The following SHOC2 variants were observed in gnomAD, a reference collection of about 807,000 sequenced individuals.
The protein encoded by SHOC2 is leucine-rich repeat protein SHOC-2.
A neutral mutation model predicts 50.2 loss-of-function variants in SHOC2; 4 were observed. The ratio of observed to expected loss-of-function variants is 0.08; its 90% confidence interval spans 0.04 to 0.18. The LOEUF (loss-of-function observed/expected upper bound fraction) is 0.18. Ranked by LOEUF, SHOC2 falls within the 10% of genes least tolerant of loss-of-function variation. SHOC2 has a pLI of 1.00. For synonymous variants in SHOC2, 218 were observed against 244.5 expected (o/e 0.89, Z 1.01); for missense variants, 388 against 669.6 (o/e 0.58, Z 4.64).
intron 3 of SHOC2, chr10:110,988,781 T>C: frequency 3.3e-6 from 1 of 305,352 alleles, no homozygotes; most frequent in East Asian, 1.4e-4. Context: ...TTGAGACCTT[T>C]CTATTATTCT....
chr10:110,960,976 C>T (rs143851490), intron 1 of SHOC2, among the ~76,000 whole-genome samples: 5 of 152,212 alleles, frequency 3.3e-5, no homozygotes, highest in East Asian at 1.9e-4. Flanking sequence ...CACGCCTGGC[C>T]AAATTTGTAG....
chr10:110,968,755 T>C (rs1847723421), intron 2 of SHOC2, among the ~76,000 whole-genome samples: 2 of 152,032 alleles, frequency 1.3e-5, no homozygotes, highest in Non-Finnish European at 2.9e-5. Flanking sequence ...CAGCTATGAT[T>C]GCGCCACCGG....
intron 8 of SHOC2, 132 bp downstream of exon 8, chr10:111,009,962 T>G (rs1402277473): frequency 1.6e-6 from 1 of 629,718 alleles, no homozygotes; most frequent in Non-Finnish European, 2.8e-6. Flanking sequence ...TTTTTTTTTT[T>G]AATAGAGCAC....
rs188742545 is a variant in SHOC2, at chr10:110,933,110, T to C, written c.-235+13453T>C. Among the ~76,000 whole-genome samples, 377 of 152,290 alleles carry C rather than the reference T, an allele frequency of 2.5e-3. 2 individuals are homozygous for C. Among genetic ancestry groups the C allele is most frequent in the Non-Finnish European group, 3.9e-3 (264 of 68,002 alleles). ...GATCTCTGATTATTATATAGATCTT[T>C]TATGCATTCAGATTTTCTTTGTAGG... is the stretch of plus-strand genomic sequence containing the variant. On this transcript the variant is annotated intron_variant, in intron 1 of 8. Transcript: ENST00000369452.
intron 1 of SHOC2, chr10:110,936,604 T>TA (rs1554854260): frequency 1.3e-6 from 1 of 761,842 alleles, no homozygotes; most frequent in South Asian, 1.7e-5. Context: ...TTTTTTTTTT[T>TA]AACAGTCTTT....
intron 1 of SHOC2, among the ~76,000 whole-genome samples, chr10:110,936,378 C>T (rs1391799475): frequency 6.6e-6 from 1 of 151,944 alleles, no homozygotes; most frequent in African/African-American, 2.4e-5. Flanking sequence ...GCTGGTATTA[C>T]AGGCGTGAGC....
chr10:110,975,463 A>G (rs928935712), intron 2 of SHOC2, among the ~76,000 whole-genome samples: 4 of 152,202 alleles, frequency 2.6e-5, no homozygotes, highest in Non-Finnish European at 4.4e-5. Context: ...TTTAATAGTC[A>G]TGTGTCCATA....
chr10:110,950,722 G>A (rs1480324966), intron 1 of SHOC2, among the ~76,000 whole-genome samples: 1 of 152,150 alleles, frequency 6.6e-6, no homozygotes, highest in Non-Finnish European at 1.5e-5. Flanking sequence ...TGTACAATCA[G>A]TTGATCTTTA....
At chr10:110,976,189 C>T (rs1474844278) in intron 2 of SHOC2, among the ~76,000 whole-genome samples, 7 of 152,146 alleles carry the variant, frequency 4.6e-5, no homozygotes, top group Admixed American at 3.9e-4. Context: ...GGATTACAGG[C>T]GTGAGCTACC....
intron 3 of SHOC2, 116 bp from the exon 4 acceptor site, chr10:111,000,299 A>G: frequency 4.1e-6 from 4 of 964,382 alleles, no homozygotes; most frequent in Non-Finnish European, 6.5e-6. Flanking sequence ...AAGTTAAGGA[A>G]CTTGCTGAAA....
intron 2 of SHOC2, among the ~76,000 whole-genome samples, chr10:110,983,311 C>G (rs1314372973): frequency 6.6e-6 from 1 of 151,670 alleles, no homozygotes; most frequent in Non-Finnish European, 1.5e-5. Context: ...TTCCTTTTTT[C>G]ATTTTTATTG....
intron 1 of SHOC2, among the ~76,000 whole-genome samples, chr10:110,934,584 G>A (rs1571240): frequency 0.94 from 142,439 of 152,262 alleles, 66,681 homozygotes; most frequent in Admixed American, 0.96. Flanking sequence ...TGCTATTTAT[G>A]TGCACATTGC....
chr10:110,948,989 T>C (rs1420279784), intron 1 of SHOC2, among the ~76,000 whole-genome samples: 1 of 152,134 alleles, frequency 6.6e-6, no homozygotes, highest in Non-Finnish European at 1.5e-5. Flanking sequence ...TGTAAATTAC[T>C]TGTGGCCCAA....
At chr10:110,932,215 G>T (rs1475125036) in intron 1 of SHOC2, among the ~76,000 whole-genome samples, 1 of 152,164 alleles carries the variant, frequency 6.6e-6, no homozygotes, top group East Asian at 1.9e-4. Context: ...GTGCAAGATG[G>T]GAAGTATTAG....
At chr10:110,936,266 T>C (rs1214290752) in intron 1 of SHOC2, among the ~76,000 whole-genome samples, 1 of 151,746 alleles carries the variant, frequency 6.6e-6, no homozygotes, top group Non-Finnish European at 1.5e-5. Context: ...CCGGCTAATT[T>C]TTGTATTTTT....
intron 6 of SHOC2, among the ~76,000 whole-genome samples, chr10:111,008,564 C>T (rs1352933964): frequency 6.6e-6 from 1 of 152,018 alleles, no homozygotes; most frequent in Non-Finnish European, 1.5e-5. Context: ...GCACATAATG[C>T]ATTCAGTACA....
At chr10:110,999,736 C>CA (rs145780250) in intron 3 of SHOC2, among the ~76,000 whole-genome samples, 1,031 of 81,642 alleles carry the variant, frequency 0.013, 106 homozygotes, top group South Asian at 0.064. Flanking sequence ...GACTCAGTCT[C>CA]AAAAAAAAAA....
At chr10:110,932,534 A>G (rs1013093896) in intron 1 of SHOC2, among the ~76,000 whole-genome samples, 1 of 152,172 alleles carries the variant, frequency 6.6e-6, no homozygotes, top group Admixed American at 6.5e-5. Flanking sequence ...AGAAAAATTG[A>G]TAAGATTTGG....
chr10:111,000,312 G>C (rs1005550626), intron 3 of SHOC2, 103 bp from the exon 4 acceptor site: 1 of 1,127,434 alleles, frequency 8.9e-7, no homozygotes, highest in Non-Finnish European at 1.3e-6. Context: ...TGCTGAAACA[G>C]TACTTTGAAG....
Sources: allele counts gnomAD v4.1 joint callset (sites outside exome capture counted in the v4.1 genomes callset), GRCh38; gene constraint gnomAD v4.1.1; transcripts MANE v1.5; gene names NCBI Gene and HGNC (gene_info 2026-07-23, HGNC 2026-07-21).